The following UBE2Q2 variants were observed in gnomAD, a reference collection of about 807,000 sequenced individuals.
UBE2Q2 encodes the protein ubiquitin-conjugating enzyme E2 Q2.
Under a neutral mutation model 59.9 loss-of-function variants are expected in UBE2Q2, and 54 were observed. The ratio of observed to expected loss-of-function variants is 0.90; its 90% CI spans 0.72 to 1.13. UBE2Q2 has a LOEUF of 1.13. Ranked by LOEUF, UBE2Q2 falls within the 50% of genes most tolerant of loss-of-function variation. UBE2Q2 has a pLI of 0.00. For synonymous variants in UBE2Q2, 165 were observed against 155.2 expected, an observed-to-expected ratio of 1.06 and a Z score of -0.47; for missense variants, 433 against 441.9, an observed-to-expected ratio of 0.98 and a Z score of 0.18.
At chr15:75,851,135 CTTT>C (rs1177827175) in intron 1 of UBE2Q2, among the ~76,000 whole-genome samples, 4 of 140,466 alleles carry the variant, frequency 2.8e-5, no homozygotes. Flanking sequence ...GGATATTCTT[CTTT>C]TTTTTTTTTT....
chr15:75,874,036 A>G (rs1897937153), intron 5 of UBE2Q2, among the ~76,000 whole-genome samples: 1 of 152,056 alleles, frequency 6.6e-6, no homozygotes, highest in African/African-American at 2.4e-5. Flanking sequence ...TTTCTTATCT[A>G]TAGATAGCCA....
intron 4 of UBE2Q2, among the ~76,000 whole-genome samples, chr15:75,870,438 T>G (rs77437881): frequency 0.012 from 1,796 of 152,310 alleles, 29 homozygotes; most frequent in African/African-American, 0.041. Flanking sequence ...AATGAGAGTT[T>G]AATGTTTTTA....
intron 2 of UBE2Q2, among the ~76,000 whole-genome samples, chr15:75,856,234 T>A (rs985557098): frequency 6.6e-5 from 9 of 137,118 alleles, no homozygotes; most frequent in African/African-American, 2.6e-4. Context: ...TGTATGTGTA[T>A]ATGTGTATAT....
At chr15:75,886,263 G>A (rs1898761829) in intron 9 of UBE2Q2, among the ~76,000 whole-genome samples, 2 of 152,002 alleles carry the variant, frequency 1.3e-5, no homozygotes, top group South Asian at 2.1e-4. Context: ...GGGACTATAG[G>A]CATGCGCCAC....
intron 11 of UBE2Q2, among the ~76,000 whole-genome samples, chr15:75,894,505 A>T (rs1899286963): frequency 6.6e-6 from 1 of 152,044 alleles, no homozygotes; most frequent in Non-Finnish European, 1.5e-5. Context: ...AATTCCTTGA[A>T]CCCAGGAGGT....
chr15:75,853,071 A>G (rs1030220989), intron 1 of UBE2Q2, among the ~76,000 whole-genome samples: 2 of 152,250 alleles, frequency 1.3e-5, no homozygotes, highest in Non-Finnish European at 2.9e-5. Flanking sequence ...TCCCCAATTT[A>G]TAATAGAAAA....
chr15:75,864,436 G>A (rs1457107887), intron 3 of UBE2Q2, among the ~76,000 whole-genome samples: 1 of 152,108 alleles, frequency 6.6e-6, no homozygotes, highest in Admixed American at 6.5e-5. Context: ...ACACACAGGA[G>A]AACCCTCCAC....
In UBE2Q2 at chr15:75,858,780, A is replaced by G. The variant is rs910378203; in HGVS notation, c.283-1098A>G. 1.8e-4 allele frequency among the ~76,000 whole-genome samples: 28 copies of G among 152,294 alleles called. 1 individual carries two copies. Among genetic ancestry groups the G allele is most frequent in the African/African-American group, 5.8e-4 (24 of 41,564 alleles). Reference sequence around the variant, plus strand: ...ATCTTCATTATGCACTTAGCACGCAATAGAGTGTATTGGGTGGATATCAAA... The same window carrying G: ...ATCTTCATTATGCACTTAGCACGCAGTAGAGTGTATTGGGTGGATATCAAA... On this transcript the variant is annotated intron_variant, in intron 2 of 12. Transcript: ENST00000267938.
chr15:75,863,078 G>C (rs1897277036), intron 3 of UBE2Q2, among the ~76,000 whole-genome samples: 1 of 152,114 alleles, frequency 6.6e-6, no homozygotes. Flanking sequence ...GTGTTTCAGG[G>C]CCTGGAAAAT....
intron 4 of UBE2Q2, among the ~76,000 whole-genome samples, chr15:75,869,552 A>G (rs964829778): frequency 2.0e-5 from 3 of 152,228 alleles, no homozygotes; most frequent in Admixed American, 6.5e-5. Flanking sequence ...CAAGATACCA[A>G]CATTGGGTGT....
intron 4 of UBE2Q2, among the ~76,000 whole-genome samples, chr15:75,871,369 C>T (rs1595878018): frequency 6.6e-6 from 1 of 152,188 alleles, no homozygotes; most frequent in East Asian, 1.9e-4. Context: ...GCATGCCTTC[C>T]TCTTATACTA....
chr15:75,882,162 C>G (rs1898467555), intron 8 of UBE2Q2, among the ~76,000 whole-genome samples: 1 of 152,118 alleles, frequency 6.6e-6, no homozygotes, highest in African/African-American at 2.4e-5. Context: ...CTATTTAGAG[C>G]CATTTGGTGA....
At chr15:75,862,496 TG>T (rs1296789527) in intron 3 of UBE2Q2, among the ~76,000 whole-genome samples, 3 of 151,704 alleles carry the variant, frequency 2.0e-5, no homozygotes, top group African/African-American at 7.3e-5. Flanking sequence ...TTCCCTTTTT[TG>T]TTCATATTTG....
chr15:75,875,612 T>G (rs1363776060), intron 5 of UBE2Q2, among the ~76,000 whole-genome samples: 2 of 152,230 alleles, frequency 1.3e-5, no homozygotes, highest in Non-Finnish European at 2.9e-5. Flanking sequence ...AGACTCATAC[T>G]GAATTCTTTG....
intron 4 of UBE2Q2, among the ~76,000 whole-genome samples, chr15:75,870,565 A>G (rs1485860918): frequency 1.3e-5 from 2 of 152,066 alleles, no homozygotes; most frequent in African/African-American, 4.8e-5. Flanking sequence ...TTTTCCCCTC[A>G]TAAGATAATA....
chr15:75,890,312 C>A (rs191915439), intron 9 of UBE2Q2, 123 bp from the exon 10 acceptor site: 2 of 686,436 alleles, frequency 2.9e-6, no homozygotes, highest in East Asian at 2.7e-5. Context: ...CAACTGTTGT[C>A]ATGTTTGCAT....
intron 4 of UBE2Q2, among the ~76,000 whole-genome samples, chr15:75,872,599 T>C (rs909101360): frequency 2.7e-5 from 4 of 146,630 alleles, no homozygotes; most frequent in African/African-American, 1.0e-4. Flanking sequence ...TACAGTAGCA[T>C]GATCATAGCT....
chr15:75,845,035 C>T (rs759880883), intron 1 of UBE2Q2, among the ~76,000 whole-genome samples: 5 of 151,924 alleles, frequency 3.3e-5, no homozygotes, highest in Non-Finnish European at 5.9e-5. Flanking sequence ...TCTGAGTGTT[C>T]TGGGCACTAG....
intron 4 of UBE2Q2, among the ~76,000 whole-genome samples, chr15:75,869,279 A>G (rs1156592132): frequency 6.6e-6 from 1 of 152,228 alleles, no homozygotes; most frequent in Non-Finnish European, 1.5e-5. Context: ...TTTAATACTA[A>G]TCAGTACTTA....
Sources: gnomAD v4.1 joint callset for allele counts (sites outside exome capture counted in the v4.1 genomes callset) on GRCh38, gnomAD v4.1.1 for gene constraint, MANE v1.5 for transcripts, NCBI Gene and HGNC (gene_info 2026-07-23, HGNC 2026-07-21) for gene names.